Variants in GARRE1 observed in about 807,000 individuals in gnomAD.
The protein encoded by GARRE1 is granule associated Rac and RHOG effector protein 1.
A neutral mutation model predicts 103.2 loss-of-function variants in GARRE1; 49 were observed. That is an observed-to-expected ratio of 0.47 (90% CI 0.38 to 0.60). The LOEUF (loss-of-function observed/expected upper bound fraction) is 0.60. Ranked by LOEUF, GARRE1 falls within the 20% of genes least tolerant of loss-of-function variation. The pLI is 0.00. For missense variants in GARRE1, 1,199 were observed against 1,370.5 expected, an observed-to-expected ratio of 0.87 and a Z score of 1.98; for synonymous variants, 505 against 532.8, an observed-to-expected ratio of 0.95 and a Z score of 0.72.
intron 2 of GARRE1, among the ~76,000 whole-genome samples, chr19:34,303,067 A>G (rs1372307003): frequency 1.3e-5 from 2 of 152,184 alleles, no homozygotes; most frequent in Non-Finnish European, 2.9e-5. Context: ...AAAATGAAAT[A>G]TTATTCTTTT....
At chr19:34,347,090 ATTT>A (rs1191719586) in intron 10 of GARRE1, among the ~76,000 whole-genome samples, 2 of 138,030 alleles carry the variant, frequency 1.4e-5, no homozygotes, top group Non-Finnish European at 3.2e-5. Flanking sequence ...CACCCAACTA[ATTT>A]TTTTTTTTTT....
intron 8 of GARRE1, among the ~76,000 whole-genome samples, chr19:34,336,965 C>T (rs1430048426): frequency 6.6e-6 from 1 of 151,116 alleles, no homozygotes; most frequent in South Asian, 2.1e-4. Context: ...ATTGCACCCC[C>T]GCAAAAAACA....
chr19:34,277,104 A>G (rs1220131398), intron 1 of GARRE1, among the ~76,000 whole-genome samples: 2 of 152,134 alleles, frequency 1.3e-5, no homozygotes, highest in East Asian at 3.9e-4. Context: ...TAGAGGCAGC[A>G]GCGTGTGTAA....
At chr19:34,293,831 T>C (rs1214285001) in intron 1 of GARRE1, among the ~76,000 whole-genome samples, 2 of 135,222 alleles carry the variant, frequency 1.5e-5, no homozygotes. Flanking sequence ...CGATCTCAGC[T>C]CACTGCAACC....
chr19:34,323,812 C>T (rs963979290), intron 3 of GARRE1, among the ~76,000 whole-genome samples: 1 of 152,182 alleles, frequency 6.6e-6, no homozygotes, highest in Admixed American at 6.5e-5. Flanking sequence ...CCTCCGAGTT[C>T]TCTCTTGACG....
In GARRE1 at chr19:34,341,726, C is replaced by T. The variant is rs976224078; in HGVS notation, c.1792C>T (p.Pro598Ser). Residue 598 changes from proline (P) to serine (S), a missense_variant, in exon 10 of 14, where the codon CCC becomes TCC. Transcript: ENST00000299505. ...LQSILNIGNFPRTTDPSQSAQ... is the reference protein window; with the variant it reads ...LQSILNIGNFSRTTDPSQSAQ... ...AAGCATTTTGAACATTGGTAATTTC[C>T]CCAGGACTACAGACCCTTCACAGTC... 4.8e-5 allele frequency: 77 copies of T among 1,614,054 alleles called. No individual in the cohort carries two copies. Among genetic ancestry groups the T allele is most frequent in the Non-Finnish European group, 6.4e-5 (75 of 1,180,038 alleles).
At position 34,342,466 on chromosome 19, in the gene GARRE1, CCT is replaced by C; in HGVS notation, c.2521+13_2521+14del. ...CTTTTGATCCTGCAGGTATGTGAGG[CCT>C]CCCATCCCTCGCCCAGTGTCAACAG... On this transcript the variant is annotated intron_variant, in intron 10 of 13. Coordinates refer to ENST00000299505, the MANE Select transcript of GARRE1 (RefSeq NM_014686.5). 6.3e-7 allele frequency: 1 copy of C among 1,594,714 alleles called. No individual in the cohort carries two copies. The highest frequency in any genetic ancestry group is 1.1e-5 in the South Asian group (1 of 87,844).
At chr19:34,256,000 G>A (rs1246376564) in intron 1 of GARRE1, among the ~76,000 whole-genome samples, 1 of 151,530 alleles carries the variant, frequency 6.6e-6, no homozygotes, top group African/African-American at 2.4e-5. Flanking sequence ...CACCACGCCC[G>A]GCTAATTTTT....
chr19:34,333,364 T>A (rs532817270), intron 7 of GARRE1, among the ~76,000 whole-genome samples: 1 of 152,352 alleles, frequency 6.6e-6, no homozygotes, highest in South Asian at 2.1e-4. Flanking sequence ...AGTGACACTT[T>A]TACTTCTTTT....
chr19:34,277,907 C>A (rs1331936441), intron 1 of GARRE1, among the ~76,000 whole-genome samples: 1 of 103,594 alleles, frequency 9.7e-6, no homozygotes, highest in Admixed American at 1.4e-4. Flanking sequence ...TTTCACCCCC[C>A]CCCCCCACCC....
Position 34,355,539 on chromosome 19 carries a change from C to T in GARRE1, c.*2584C>T, listed in dbSNP as rs757027441. ...CTCCTATAAGTAAAATAACTATTGG[C>T]TTTATTAAAAATATACATTTAATAA... On this transcript the variant is annotated 3_prime_UTR_variant, in exon 14 of 14. Coordinates refer to ENST00000299505, the MANE Select transcript of GARRE1 (RefSeq NM_014686.5). 6.6e-6 allele frequency: 1 copy of T among 152,604 alleles called. No individual in the cohort carries two copies. The highest frequency in any genetic ancestry group is 2.4e-5 in the African/African-American group (1 of 41,442). 9.5% of individuals were successfully genotyped at this position (152,604 alleles called of 1,614,324 possible).
chr19:34,312,466 A>G (rs1282772650), intron 2 of GARRE1, among the ~76,000 whole-genome samples: 1 of 152,150 alleles, frequency 6.6e-6, no homozygotes, highest in Non-Finnish European at 1.5e-5. Flanking sequence ...CTCTCCTCCC[A>G]GCTCCTGGCA....
rs555197277 is a variant in GARRE1, at chr19:34,354,893, C to T, written c.*1938C>T. On this transcript the variant is annotated 3_prime_UTR_variant, in exon 14 of 14. Coordinates refer to ENST00000299505, the MANE Select transcript of GARRE1 (RefSeq NM_014686.5). ...TTTTGCCGTGGTTCTGAGCATTCACCTCACCATGTTTACAAAGAACTGTTT... is the reference window on the plus strand; with the variant it reads ...TTTTGCCGTGGTTCTGAGCATTCACTTCACCATGTTTACAAAGAACTGTTT... 1.9e-4 allele frequency: 29 copies of T among 152,642 alleles called. No homozygotes were observed. The highest frequency in any genetic ancestry group is 7.0e-4 in the African/African-American group (29 of 41,524). 9.5% of individuals were successfully genotyped at this position (152,642 alleles called of 1,614,324 possible). A position where few individuals can be genotyped will look rare whatever the true frequency, so the allele number is the denominator to read the frequency against.
At chr19:34,308,393 T>G (rs946372684) in intron 2 of GARRE1, among the ~76,000 whole-genome samples, 67 of 152,142 alleles carry the variant, frequency 4.4e-4, no homozygotes, top group African/African-American at 1.5e-3. Flanking sequence ...AAACTGAAGT[T>G]CACCTCATAA....
chr19:34,328,782 A>G (rs990768492), intron 6 of GARRE1, among the ~76,000 whole-genome samples: 9 of 151,908 alleles, frequency 5.9e-5, no homozygotes, highest in African/African-American at 2.2e-4. Context: ...TAATTTTTGT[A>G]TTTTTAGTAG....
chr19:34,286,736 C>T (rs975815442), intron 1 of GARRE1, among the ~76,000 whole-genome samples: 4 of 151,852 alleles, frequency 2.6e-5, no homozygotes, highest in Admixed American at 1.3e-4. Flanking sequence ...CTCCTGACCT[C>T]GTGATCCGCC....
intron 1 of GARRE1, among the ~76,000 whole-genome samples, chr19:34,263,081 C>T (rs1189040707): frequency 6.6e-6 from 1 of 151,944 alleles, no homozygotes; most frequent in African/African-American, 2.4e-5. Context: ...GGCATGGTGG[C>T]GGGTGCCTGT....
At chr19:34,298,881 G>A (rs188134926) in intron 1 of GARRE1, among the ~76,000 whole-genome samples, 4 of 152,246 alleles carry the variant, frequency 2.6e-5, no homozygotes, top group Admixed American at 2.0e-4. Context: ...TACAACCAGC[G>A]ATATCCAGAT....
intron 7 of GARRE1, among the ~76,000 whole-genome samples, chr19:34,331,860 G>A (rs183473464): frequency 1.8e-4 from 28 of 151,996 alleles, no homozygotes; most frequent in East Asian, 9.7e-4. Flanking sequence ...GCGTGGTGGC[G>A]GGCACCTGTA....
Sources: gnomAD v4.1 joint callset for allele counts (sites outside exome capture counted in the v4.1 genomes callset) on GRCh38, gnomAD v4.1.1 for gene constraint, MANE v1.5 for transcripts, NCBI Gene and HGNC (gene_info 2026-07-23, HGNC 2026-07-21) for gene names.